SLC9A9: variants seen among roughly 807,000 people sequenced by gnomAD.
SLC9A9 encodes solute carrier family 9 member A9, also known as sodium/hydrogen exchanger 9.
SLC9A9 carries 62 observed loss-of-function variants against 77.8 expected under a neutral mutation model. The ratio of observed to expected loss-of-function variants is 0.80; its 90% confidence interval spans 0.65 to 0.98. The LOEUF (loss-of-function observed/expected upper bound fraction) is 0.98, where lower values mean the gene tolerates loss of function less well. Ranked by LOEUF, SLC9A9 falls within the 50% of genes least tolerant of loss-of-function variation. The probability of loss-of-function intolerance (pLI) is 0.00; values close to 1 mark genes in which losing one functional copy is unlikely to be tolerated. For missense variants in SLC9A9, 775 were observed against 774.9 expected, an observed-to-expected ratio of 1.00 and a Z score of 0.00; for synonymous variants, 320 against 283.5, an observed-to-expected ratio of 1.13 and a Z score of -1.29.
At chr3:143,592,912 C>T (rs1019611384) in intron 6 of SLC9A9, among the ~76,000 whole-genome samples, 1 of 152,040 alleles carries the variant, frequency 6.6e-6, no homozygotes, top group Admixed American at 6.6e-5. Context: ...GTCATTAAAG[C>T]AAACAGGAGA....
intron 9 of SLC9A9, among the ~76,000 whole-genome samples, chr3:143,508,264 T>C (rs1376050859): frequency 6.6e-6 from 1 of 152,202 alleles, no homozygotes; most frequent in African/African-American, 2.4e-5. Flanking sequence ...GTCCCAGATA[T>C]CTAGAGATGT....
rs535783244 is a variant in SLC9A9 at position 143,414,050 on chromosome 3, A to G, written c.1470-31936T>C. 1.4e-4 allele frequency among the ~76,000 whole-genome samples: 21 copies of G among 152,370 alleles called. No homozygotes were observed. The East Asian group carries it at 3.9e-3, about 28-fold the overall frequency. On this transcript the variant is annotated intron_variant, in intron 12 of 15. Transcript: ENST00000316549. ...AAAATGTGCTGAAAATGAAATAGTCAGTGTTTGGTGGAAAGGCAGGAATTC... is the reference window on the plus strand; with the variant it reads ...AAAATGTGCTGAAAATGAAATAGTCGGTGTTTGGTGGAAAGGCAGGAATTC...
At chr3:143,521,102 G>A (rs1394099671) in intron 9 of SLC9A9, among the ~76,000 whole-genome samples, 1 of 151,952 alleles carries the variant, frequency 6.6e-6, no homozygotes, top group African/African-American at 2.4e-5. Context: ...TTTATTTTAA[G>A]GTAATCAAAT....
intron 12 of SLC9A9, among the ~76,000 whole-genome samples, chr3:143,398,788 T>C (rs2033785787): frequency 6.6e-6 from 1 of 152,132 alleles, no homozygotes; most frequent in Admixed American, 6.5e-5. Context: ...ATCACTAAAA[T>C]TAAAATTAAA....
At chr3:143,713,692 T>C (rs1934256308) in intron 4 of SLC9A9, among the ~76,000 whole-genome samples, 1 of 152,170 alleles carries the variant, frequency 6.6e-6, no homozygotes. Flanking sequence ...TGTATTGTTC[T>C]TGCCATGGTC....
intron 4 of SLC9A9, among the ~76,000 whole-genome samples, chr3:143,722,469 T>C (rs1934529171): frequency 4.2e-5 from 1 of 23,788 alleles, no homozygotes; most frequent in Non-Finnish European, 6.2e-5. Context: ...CGAGACTCCA[T>C]CTCAAAAAAA....
intron 2 of SLC9A9, among the ~76,000 whole-genome samples, chr3:143,799,470 G>A (rs755087951): frequency 5.4e-4 from 82 of 152,272 alleles, no homozygotes; most frequent in South Asian, 4.1e-4. Flanking sequence ...ACAAACCCCA[G>A]CCACATTTCC....
intron 4 of SLC9A9, among the ~76,000 whole-genome samples, chr3:143,759,836 C>T (rs2007055642): frequency 6.6e-6 from 1 of 152,060 alleles, no homozygotes; most frequent in Admixed American, 6.6e-5. Flanking sequence ...CTAAATCCCA[C>T]TGAGATTTAG....
chr3:143,536,695 T>C (rs997984399), intron 9 of SLC9A9, among the ~76,000 whole-genome samples: 3 of 152,248 alleles, frequency 2.0e-5, no homozygotes, highest in Non-Finnish European at 4.4e-5. Context: ...ATTTGGGTAA[T>C]GTCTTAGAAA....
At chr3:143,698,475 G>C (rs1292063738) in intron 4 of SLC9A9, among the ~76,000 whole-genome samples, 1 of 152,042 alleles carries the variant, frequency 6.6e-6, no homozygotes, top group Non-Finnish European at 1.5e-5. Context: ...GCATAAAAGG[G>C]GATTTGGGAA....
At chr3:143,718,818 A>G (rs1323979618) in intron 4 of SLC9A9, among the ~76,000 whole-genome samples, 3 of 152,042 alleles carry the variant, frequency 2.0e-5, no homozygotes, top group African/African-American at 7.3e-5. Flanking sequence ...TTGATTTCTG[A>G]GTTTCGAGGT....
At chr3:143,452,298 C>T (rs1051297096) in intron 12 of SLC9A9, among the ~76,000 whole-genome samples, 3 of 151,896 alleles carry the variant, frequency 2.0e-5, no homozygotes, top group Non-Finnish European at 4.4e-5. Context: ...ACAACAGTAT[C>T]GATGAATATT....
At chr3:143,838,746 T>G (rs2009636316) in intron 1 of SLC9A9, among the ~76,000 whole-genome samples, 1 of 152,168 alleles carries the variant, frequency 6.6e-6, no homozygotes, top group Non-Finnish European at 1.5e-5. Flanking sequence ...CATTATTATT[T>G]CAGTCACTCA....
intron 12 of SLC9A9, among the ~76,000 whole-genome samples, chr3:143,404,148 T>G (rs546389122): frequency 9.1e-4 from 138 of 150,946 alleles, no homozygotes; most frequent in Admixed American, 3.8e-3. Context: ...CCTCAAGAAT[T>G]TTTAATTTTT....
At chr3:143,404,234 C>T (rs891321086) in intron 12 of SLC9A9, among the ~76,000 whole-genome samples, 2 of 149,880 alleles carry the variant, frequency 1.3e-5, no homozygotes, top group South Asian at 2.1e-4. Flanking sequence ...AGCGCAGTGG[C>T]GTGATCTGAG....
In SLC9A9 at chr3:143,319,714, G is replaced by T. The variant is rs115038961; in HGVS notation, c.1604+43770C>A. ...TGTTGCAAGTCACAAATTCCTAAAG[G>T]ATAGACATACTGGGGAGAAACTAAG... On this transcript the variant is annotated intron_variant, in intron 14 of 15. Coordinates refer to ENST00000316549, the MANE Select transcript of SLC9A9 (RefSeq NM_173653.4). 6.6e-3 allele frequency among the ~76,000 whole-genome samples: 1,000 copies of T among 152,274 alleles called. 3 individuals carry two copies. The highest frequency in any genetic ancestry group is 0.011 in the Non-Finnish European group (771 of 68,024).
At chr3:143,279,837 A>G (rs1329842177) in intron 14 of SLC9A9, among the ~76,000 whole-genome samples, 2 of 151,862 alleles carry the variant, frequency 1.3e-5, no homozygotes, top group Non-Finnish European at 2.9e-5. Context: ...TTTATTTAAG[A>G]AAAAAAACAG....
intron 14 of SLC9A9, among the ~76,000 whole-genome samples, chr3:143,281,560 G>C (rs1938221646): frequency 1.3e-5 from 2 of 152,090 alleles, no homozygotes; most frequent in Admixed American, 1.3e-4. Flanking sequence ...CAACTCTTTG[G>C]GATGAGTTGA....
At chr3:143,831,814 G>A (rs1005495477) in intron 2 of SLC9A9, among the ~76,000 whole-genome samples, 2 of 151,652 alleles carry the variant, frequency 1.3e-5, no homozygotes, top group Non-Finnish European at 2.9e-5. Flanking sequence ...CTAACTTCTA[G>A]GAAAAAAAAA....
Sources: gnomAD v4.1 joint callset for allele counts (sites outside exome capture counted in the v4.1 genomes callset) on GRCh38, gnomAD v4.1.1 for gene constraint, MANE v1.5 for transcripts, NCBI Gene and HGNC (gene_info 2026-07-23, HGNC 2026-07-21) for gene names.